TAFA4: variants seen among roughly 807,000 people sequenced by gnomAD.
The protein encoded by TAFA4 is TAFA chemokine like family member 4, also known as chemokine-like protein TAFA-4.
A neutral mutation model predicts 21.1 loss-of-function variants in TAFA4; 20 were observed. That is an observed-to-expected ratio of 0.95 (90% CI 0.67 to 1.38). TAFA4 has a LOEUF of 1.38. Among genes scored for constraint, TAFA4 ranks in the 40% most tolerant of loss-of-function variants. The probability of loss-of-function intolerance (pLI) is 0.00; values close to 1 mark genes in which losing one functional copy is unlikely to be tolerated. For synonymous variants in TAFA4, 71 were observed against 67.4 expected, an observed-to-expected ratio of 1.05 and a Z score of -0.26; for missense variants, 211 against 180.9, an observed-to-expected ratio of 1.17 and a Z score of -0.95.
intron 3 of TAFA4, among the ~76,000 whole-genome samples, chr3:68,754,616 T>A (rs1338233422): frequency 2.0e-5 from 3 of 152,192 alleles, no homozygotes; most frequent in African/African-American, 7.2e-5. Context: ...CTGTCAGGCT[T>A]CTCCATTGTA....
At chr3:68,734,596 G>A (rs1424160223) in intron 5 of TAFA4, among the ~76,000 whole-genome samples, 1 of 152,132 alleles carries the variant, frequency 6.6e-6, no homozygotes, top group Admixed American at 6.6e-5. Flanking sequence ...AAAGATGTAA[G>A]AGAAAGAGGA....
intron 1 of TAFA4, among the ~76,000 whole-genome samples, chr3:68,905,455 A>G (rs1236284385): frequency 6.6e-6 from 1 of 152,168 alleles, no homozygotes; most frequent in East Asian, 1.9e-4. Flanking sequence ...GGTGTGAGCC[A>G]CTGCGCCCGG....
intron 1 of TAFA4, among the ~76,000 whole-genome samples, chr3:68,900,762 A>C (rs1273795343): frequency 2.0e-5 from 3 of 152,178 alleles, no homozygotes; most frequent in Non-Finnish European, 4.4e-5. Flanking sequence ...GGATTTGAAC[A>C]CCTAAACTTA....
intron 3 of TAFA4, among the ~76,000 whole-genome samples, chr3:68,771,053 G>T (rs1702947717): frequency 6.6e-6 from 1 of 152,110 alleles, no homozygotes; most frequent in African/African-American, 2.4e-5. Flanking sequence ...GGCGGTTGAA[G>T]AAGAGTCCAG....
chr3:68,878,492 T>C (rs1245231494), intron 3 of TAFA4, among the ~76,000 whole-genome samples: 1 of 152,136 alleles, frequency 6.6e-6, no homozygotes, highest in Non-Finnish European at 1.5e-5. Flanking sequence ...AAGGCATCTT[T>C]CCACTGCACA....
Position 68,733,270 on chromosome 3 carries a change from C to CCTATAA in TAFA4, c.412-123_412-118dup, listed in dbSNP as rs1364284347. ...AATACTTTATCAGTTTGTACATTTA[C>CCTATAA]CTATAACCGACCTCACCAAATCAAC... is the stretch of plus-strand genomic sequence containing the variant. On this transcript the variant is annotated intron_variant, in intron 5 of 5. Transcript: ENST00000295569. The CCTATAA allele has an allele frequency of 1.8e-5, 24 of 1,305,308 alleles. No homozygotes were observed. The African/African-American group carries it at 2.2e-4, about 12-fold the overall frequency. 80.9% of individuals were successfully genotyped at this position (1,305,308 alleles called of 1,614,324 possible). A position where few individuals can be genotyped will look rare whatever the true frequency, so the allele number is the denominator to read the frequency against.
At chr3:68,757,302 G>A (rs1702676695) in intron 3 of TAFA4, among the ~76,000 whole-genome samples, 1 of 151,990 alleles carries the variant, frequency 6.6e-6, no homozygotes, top group Non-Finnish European at 1.5e-5. Flanking sequence ...AAGGACATCA[G>A]TCCTGTCAGA....
At chr3:68,795,676 A>G (rs952209967) in intron 3 of TAFA4, among the ~76,000 whole-genome samples, 1 of 152,208 alleles carries the variant, frequency 6.6e-6, no homozygotes, top group Non-Finnish European at 1.5e-5. Context: ...GTAGAGGCAA[A>G]AGATAAAGAA....
At chr3:68,813,161 G>T (rs572733144) in intron 3 of TAFA4, among the ~76,000 whole-genome samples, 125 of 152,008 alleles carry the variant, frequency 8.2e-4, no homozygotes, top group Non-Finnish European at 1.3e-3. Context: ...GAATCTCTGG[G>T]ACACATTCAA....
At chr3:68,833,397 G>A (rs964223768) in intron 3 of TAFA4, among the ~76,000 whole-genome samples, 1 of 152,158 alleles carries the variant, frequency 6.6e-6, no homozygotes, top group Non-Finnish European at 1.5e-5. Flanking sequence ...CAGATTCAGT[G>A]TACGTACAGC....
At chr3:68,930,526 G>A (rs1385813132) in intron 1 of TAFA4, among the ~76,000 whole-genome samples, 2 of 152,216 alleles carry the variant, frequency 1.3e-5, no homozygotes, top group Non-Finnish European at 2.9e-5. Flanking sequence ...ACGCAAAGCA[G>A]AACAATGAGA....
chr3:68,915,578 T>C (rs2089997770), intron 1 of TAFA4, among the ~76,000 whole-genome samples: 1 of 152,156 alleles, frequency 6.6e-6, no homozygotes, highest in Non-Finnish European at 1.5e-5. Context: ...TGATGGAAGA[T>C]GAATTTTCCC....
intron 1 of TAFA4, among the ~76,000 whole-genome samples, chr3:68,895,170 G>T (rs1257688835): frequency 6.6e-6 from 1 of 152,084 alleles, no homozygotes; most frequent in African/African-American, 2.4e-5. Context: ...GCTAATTTTT[G>T]TATTTTTAGC....
intron 1 of TAFA4, among the ~76,000 whole-genome samples, chr3:68,929,263 G>A (rs1402545674): frequency 1.3e-5 from 2 of 152,170 alleles, no homozygotes; most frequent in Non-Finnish European, 2.9e-5. Context: ...ATGGCTTTCA[G>A]AAATAACATT....
intron 5 of TAFA4, among the ~76,000 whole-genome samples, chr3:68,736,429 A>T (rs1702242508): frequency 6.6e-6 from 1 of 152,130 alleles, no homozygotes; most frequent in Non-Finnish European, 1.5e-5. Context: ...CTCTCTTTTC[A>T]TATCTTCATC....
At chr3:68,897,640 AT>A (rs2089805707) in intron 1 of TAFA4, among the ~76,000 whole-genome samples, 1 of 97,910 alleles carries the variant, frequency 1.0e-5, no homozygotes, top group Non-Finnish European at 2.0e-5. Context: ...AAAAAAAAAT[AT>A]TTATTTTTCC....
At chr3:68,921,146 G>A (rs1045402114) in intron 1 of TAFA4, among the ~76,000 whole-genome samples, 4 of 151,992 alleles carry the variant, frequency 2.6e-5, no homozygotes, top group South Asian at 2.1e-4. Context: ...AAACCTAGTC[G>A]CACGCAACAC....
At position 68,740,630 on chromosome 3, in the gene TAFA4, C is replaced by T. The variant is rs531285195; in HGVS notation, c.287-1431G>A. Among the ~76,000 whole-genome samples the T allele has an allele frequency of 3.3e-5, 5 of 152,186 alleles. No individual in the cohort carries two copies. In the East Asian group the frequency reaches 9.7e-4, roughly 29 times the overall value. The stretch of plus-strand genomic sequence containing the variant: ...TATATGGCTTGCAAATATTTTCTAC[C>T]ATTCTCTAGGCTGCTTTTTCATTTG... On this transcript the variant is annotated intron_variant, in intron 4 of 5. Transcript: ENST00000295569.
chr3:68,873,379 C>CT (rs2089511195), intron 3 of TAFA4, among the ~76,000 whole-genome samples: 1 of 143,570 alleles, frequency 7.0e-6, no homozygotes, highest in South Asian at 2.7e-4. Flanking sequence ...CACACACACC[C>CT]TGGGCCAGAA....
Sources: allele counts gnomAD v4.1 joint callset (sites outside exome capture counted in the v4.1 genomes callset), GRCh38; gene constraint gnomAD v4.1.1; transcripts MANE v1.5; gene names NCBI Gene and HGNC (gene_info 2026-07-23, HGNC 2026-07-21).